The following TG variants were observed in gnomAD, a reference collection of about 807,000 sequenced individuals.
The protein encoded by TG is thyroglobulin, also known as thyroid hormones.
In TG, 270 loss-of-function variants were observed where a neutral mutation model predicts 324.7. That is an observed-to-expected ratio of 0.83 (90% CI 0.75 to 0.92). TG has a LOEUF of 0.92. TG is among the 40% of genes least tolerant of loss of function. The pLI is 0.00. For synonymous variants in TG, 1,401 were observed against 1,327.0 expected (o/e 1.06, Z -1.21); for missense variants, 3,591 against 3,456.4 (o/e 1.04, Z -0.98).
intron 5 of TG, among the ~76,000 whole-genome samples, chr8:132,879,061 A>T (rs1814271246): frequency 6.6e-6 from 1 of 152,226 alleles, no homozygotes; most frequent in Non-Finnish European, 1.5e-5. Flanking sequence ...GATGACAGTG[A>T]ATCACTACTG....
chr8:132,974,443 T>C (rs1466763284), intron 34 of TG, among the ~76,000 whole-genome samples: 1 of 152,232 alleles, frequency 6.6e-6, no homozygotes, highest in African/African-American at 2.4e-5. Flanking sequence ...AGAGTAGGTA[T>C]TGTTTTTTCC....
At chr8:133,004,801 G>A (rs139397036) in intron 35 of TG, among the ~76,000 whole-genome samples, 594 of 152,232 alleles carry the variant, frequency 3.9e-3, no homozygotes, top group Non-Finnish European at 6.4e-3. Context: ...ATGTTAGAAC[G>A]GTTTTGGTTA....
At chr8:133,047,794 C>A in intron 41 of TG, 1 of 1,161,622 alleles carries the variant, frequency 8.6e-7, no homozygotes, top group East Asian at 2.3e-5. Flanking sequence ...TGCTTGTCTG[C>A]CCCGGATGGG....
intron 3 of TG, 101 bp downstream of exon 3, chr8:132,869,927 C>T: frequency 1.0e-6 from 1 of 981,644 alleles, no homozygotes; most frequent in Non-Finnish European, 1.6e-6. Flanking sequence ...CAGGTCCTCC[C>T]TCTGGGCTGC....
chr8:132,933,747 C>A (rs1173250309), intron 24 of TG, 71 bp downstream of exon 24: 2 of 1,417,936 alleles, frequency 1.4e-6, no homozygotes, highest in East Asian at 2.3e-5. Flanking sequence ...GAGGAGCGGG[C>A]AGCAGGCTGG....
intron 35 of TG, among the ~76,000 whole-genome samples, chr8:132,987,010 A>G (rs1370294127): frequency 6.6e-6 from 1 of 151,844 alleles, no homozygotes; most frequent in Non-Finnish European, 1.5e-5. Flanking sequence ...CAATGCTTCC[A>G]CTCTATTTTT....
At chr8:132,909,436 C>T (rs971876392) in intron 18 of TG, among the ~76,000 whole-genome samples, 2 of 152,074 alleles carry the variant, frequency 1.3e-5, no homozygotes, top group Admixed American at 6.5e-5. Context: ...GTTCTGGAAT[C>T]CAGGGGACTA....
chr8:133,032,479 G>A (rs1279092350), intron 41 of TG, among the ~76,000 whole-genome samples: 1 of 152,116 alleles, frequency 6.6e-6, no homozygotes, highest in African/African-American at 2.4e-5. Context: ...TTAAGTGTTT[G>A]GGGAATTTCA....
At position 132,873,061 on chromosome 8, in the gene TG, G is replaced by A. The variant is rs976187958; in HGVS notation, c.479-1G>A. On this transcript the variant is annotated splice_acceptor_variant, in intron 4 of 47. Transcript: ENST00000220616. LOFTEE classifies it high-confidence loss of function. The stretch of plus-strand genomic sequence containing the variant: ...GATTTTTTTTTCGTGAAAATGTTTA[G>A]GTCCAAGGAGCTGTGAAATAAGAAA... 1 of 1,614,118 alleles carries A rather than the reference G, an allele frequency of 6.2e-7. No homozygotes were observed. The highest frequency in any genetic ancestry group is 8.5e-7 in the Non-Finnish European group (1 of 1,180,026).
intron 40 of TG, among the ~76,000 whole-genome samples, chr8:133,027,596 G>A (rs1205321765): frequency 6.6e-6 from 1 of 152,204 alleles, no homozygotes; most frequent in East Asian, 1.9e-4. Context: ...GGTCAGGAAG[G>A]CCAGGAAGAA....
intron 20 of TG, among the ~76,000 whole-genome samples, chr8:132,914,081 C>G (rs1325950442): frequency 2.0e-5 from 3 of 152,188 alleles, no homozygotes; most frequent in African/African-American, 7.2e-5. Context: ...CCTCCAAGGA[C>G]CTTAGAACTA....
chr8:133,075,272 G>A (rs994175597), intron 41 of TG: 11 of 306,766 alleles, frequency 3.6e-5, no homozygotes, highest in Non-Finnish European at 4.8e-5. Flanking sequence ...ATTTGCTCTT[G>A]TACATCCCCA....
chr8:132,997,782 A>T (rs917566134), intron 35 of TG, among the ~76,000 whole-genome samples: 1 of 152,258 alleles, frequency 6.6e-6, no homozygotes, highest in Non-Finnish European at 1.5e-5. Context: ...CAGCTAAAAA[A>T]AGAATTGTGG....
In TG at chr8:133,019,688, A is replaced by C. The variant is rs1385617568; in HGVS notation, c.6869A>C (p.Gln2290Pro). Reference protein sequence around the residue: ...DCLYLNVFIPQNVAPNASVLV... With the variant: ...DCLYLNVFIPPNVAPNASVLV... ...TTGTATCTCAATGTGTTCATCCCTC[A>C]GAATGTGGTGAGTTCAAAAGCACTT... The change falls in exon 39 of 48, where the codon CAG (glutamine) becomes CCG (proline). Residue 2290 changes from glutamine (Q) to proline (P), a missense_variant. Transcript: ENST00000220616. The C allele has an allele frequency of 1.2e-6, 2 of 1,612,872 alleles. No homozygotes were observed. Among genetic ancestry groups the C allele is most frequent in the Non-Finnish European group, 1.7e-6 (2 of 1,179,210 alleles).
rs138031055 is a variant in TG, at chr8:133,014,626, T to C, written c.6562+862T>C. Reference sequence around the variant, plus strand: ...ACATGTAAGTCAGTAGATGTGACTGTGTTCCAATAAAACTTTATTTACAAA... The same window carrying C: ...ACATGTAAGTCAGTAGATGTGACTGCGTTCCAATAAAACTTTATTTACAAA... On this transcript the variant is annotated intron_variant, in intron 37 of 47. Coordinates refer to ENST00000220616, the MANE Select transcript of TG (RefSeq NM_003235.5). Among the ~76,000 whole-genome samples the C allele has an allele frequency of 9.2e-3, 1,406 of 152,344 alleles. 23 individuals are homozygous for C. The highest frequency in any genetic ancestry group is 0.032 in the African/African-American group (1,332 of 41,584).
intron 43 of TG, among the ~76,000 whole-genome samples, chr8:133,103,410 G>A (rs781206195): frequency 1.3e-4 from 20 of 152,240 alleles, no homozygotes; most frequent in South Asian, 2.1e-4. Flanking sequence ...CACAGCTGAC[G>A]CTTACACGTC....
intron 45 of TG, among the ~76,000 whole-genome samples, chr8:133,129,437 C>T (rs1359488441): frequency 1.3e-5 from 2 of 152,224 alleles, no homozygotes; most frequent in Admixed American, 1.3e-4. Flanking sequence ...AGTATTTACA[C>T]TGTAAAAATT....
intron 20 of TG, among the ~76,000 whole-genome samples, chr8:132,917,889 A>ATTTTTTTTTTTTTTTTTT (rs71299038): frequency 7.2e-6 from 1 of 138,768 alleles, no homozygotes. Flanking sequence ...GGTTTTTGCA[A>ATTTTTTTTTTTTTTTTTT]TTTTTTTTTT....
chr8:133,062,266 T>C (rs1842472087), intron 41 of TG, among the ~76,000 whole-genome samples: 1 of 152,174 alleles, frequency 6.6e-6, no homozygotes, highest in African/African-American at 2.4e-5. Context: ...CCTCTGACCC[T>C]GGTAGGAACT....
Sources: allele counts gnomAD v4.1 joint callset (sites outside exome capture counted in the v4.1 genomes callset), GRCh38; gene constraint gnomAD v4.1.1; transcripts MANE v1.5; gene names NCBI Gene and HGNC (gene_info 2026-07-23, HGNC 2026-07-21).